Variants in CAMTA1 observed in about 807,000 individuals in gnomAD.
CAMTA1 encodes calmodulin-binding transcription activator 1.
CAMTA1 carries 27 observed loss-of-function variants against 170.9 expected under a neutral mutation model. The observed-to-expected ratio is 0.16, with a 90% CI of 0.12 to 0.22. The LOEUF is 0.22. CAMTA1 is among the 10% of genes least tolerant of loss of function. CAMTA1 has a pLI of 1.00. For synonymous variants in CAMTA1, 833 were observed against 891.5 expected (o/e 0.93, Z 1.17); for missense variants, 1,619 against 2,217.2 (o/e 0.73, Z 5.42).
At chr1:7,376,751 C>T (rs982486168) in intron 5 of CAMTA1, among the ~76,000 whole-genome samples, 36 of 152,286 alleles carry the variant, frequency 2.4e-4, no homozygotes, top group African/African-American at 8.2e-4. Flanking sequence ...CGACGTCTTC[C>T]CCTGTCTCAA....
At chr1:7,320,649 G>GTTTTTTTTTTT (rs55683398) in intron 5 of CAMTA1, among the ~76,000 whole-genome samples, 38 of 80,300 alleles carry the variant, frequency 4.7e-4, no homozygotes, top group East Asian at 1.4e-3. Flanking sequence ...TGCTGTGTGT[G>GTTTTTTTTTTT]TTTTTTTTTT....
At chr1:6,955,085 T>C (rs1689216691) in intron 3 of CAMTA1, among the ~76,000 whole-genome samples, 1 of 151,714 alleles carries the variant, frequency 6.6e-6, no homozygotes, top group African/African-American at 2.4e-5. Context: ...CCACTTTCAT[T>C]AGCCACCCTG....
chr1:6,878,654 T>C (rs983994164), intron 3 of CAMTA1, among the ~76,000 whole-genome samples: 4 of 152,170 alleles, frequency 2.6e-5, no homozygotes, highest in African/African-American at 9.7e-5. Flanking sequence ...CTTAGCACTT[T>C]TCCAGGAACC....
rs1455970219 is a variant in CAMTA1, at chr1:7,251,074, C to T, written c.438+1448C>T. Among the ~76,000 whole-genome samples the T allele has an allele frequency of 6.6e-6, 1 of 152,170 alleles. No individual in the cohort carries two copies. The highest frequency in any genetic ancestry group is 1.5e-5 in the Non-Finnish European group (1 of 68,034). ...GGCCCCCGAACAACGAGGCTGCTCG[C>T]ACCGGGAGTAATAGGGCTGCGGGAA... On this transcript the variant is annotated intron_variant, in intron 5 of 22. Transcript: ENST00000303635. This position sits in a 1 kb window ranked among gnomAD's most constrained non-coding sequence, Gnocchi z 5.1.
chr1:7,060,002 A>G (rs1707966127), intron 3 of CAMTA1, among the ~76,000 whole-genome samples: 1 of 152,172 alleles, frequency 6.6e-6, no homozygotes, highest in African/African-American at 2.4e-5. Flanking sequence ...CAGCCGCCAC[A>G]GCTGCCCCTA....
intron 4 of CAMTA1, among the ~76,000 whole-genome samples, chr1:7,192,835 A>C (rs1654801962): frequency 6.6e-6 from 1 of 152,180 alleles, no homozygotes; most frequent in African/African-American, 2.4e-5. Context: ...GCGTCACCGG[A>C]AGGAAAAGGA....
chr1:7,058,893 A>ACT (rs1442812950), intron 3 of CAMTA1, among the ~76,000 whole-genome samples: 2 of 103,444 alleles, frequency 1.9e-5, no homozygotes, highest in East Asian at 2.9e-4. Context: ...ATACACACAC[A>ACT]CACTCTCTCT....
intron 11 of CAMTA1, among the ~76,000 whole-genome samples, chr1:7,687,059 A>G (rs555500820): frequency 1.3e-5 from 2 of 152,058 alleles, no homozygotes; most frequent in East Asian, 2.0e-4. Context: ...CTGGAGGCCA[A>G]TGAGAGATCC....
intron 4 of CAMTA1, among the ~76,000 whole-genome samples, chr1:7,125,140 C>T (rs889651591): frequency 3.3e-5 from 5 of 152,056 alleles, no homozygotes; most frequent in Non-Finnish European, 7.4e-5. Context: ...GCATCTACAC[C>T]GTGTTAAGAT....
rs1354572853 is a variant in CAMTA1, at chr1:7,609,568, G to A, written c.511-30832G>A. Among the ~76,000 whole-genome samples, 2 of 152,206 alleles carry A rather than the reference G, an allele frequency of 1.3e-5. No individual in the cohort carries two copies. The highest frequency in any genetic ancestry group is 2.9e-5 in the Non-Finnish European group (2 of 68,034). On this transcript the variant is annotated intron_variant, in intron 6 of 22. Transcript: ENST00000303635. The surrounding 1 kb of genome is among the most constrained non-coding windows in gnomAD (Gnocchi z 4.4). ...GGCTCCAGTCCAGCCCTGCAGGAGT[G>A]AGCCAGCCTCAGCCAGGCCATGGCA...
Position 7,665,115 on chromosome 1 carries a change from G to A in CAMTA1, c.2568G>A (p.Ser856=), listed in dbSNP as rs374177752. ...TCGCCGAGGTGGTCTCGGCCGCCTC[G>A]GCCCAGGGCACCCTAGGCATGCTGC... ...MHVAEVVSAA[S]AQGTLGMLQQ... is the part of the protein sequence containing the mutation. Residue 856 remains serine (S), a synonymous_variant, in exon 9 of 23, where the codon TCG becomes TCA. Transcript: ENST00000303635. This position sits in a 1 kb window ranked among gnomAD's most constrained non-coding sequence, Gnocchi z 4.3. 1.7e-4 allele frequency: 258 copies of A among 1,526,120 alleles called. No individual in the cohort carries two copies. The highest frequency in any genetic ancestry group is 2.1e-4 in the Non-Finnish European group (240 of 1,140,114). The allele number at this position is 1,526,120 out of a possible 1,614,324, so 94.5% of individuals were successfully genotyped here. A position where few individuals can be genotyped will look rare whatever the true frequency, so the allele number is the denominator to read the frequency against.
intron 22 of CAMTA1, among the ~76,000 whole-genome samples, chr1:7,758,606 A>G (rs1358772832): frequency 6.6e-6 from 1 of 152,218 alleles, no homozygotes; most frequent in Non-Finnish European, 1.5e-5. Flanking sequence ...TTCTCTGAGG[A>G]AGATTTATAG....
At chr1:7,227,010 T>G (rs1024737506) in intron 4 of CAMTA1, among the ~76,000 whole-genome samples, 1 of 152,016 alleles carries the variant, frequency 6.6e-6, no homozygotes, top group African/African-American at 2.4e-5. Context: ...TTTTTTTGTA[T>G]TTTTAGTAGA....
intron 4 of CAMTA1, among the ~76,000 whole-genome samples, chr1:7,207,169 G>A (rs1451168912): frequency 2.0e-5 from 3 of 152,174 alleles, no homozygotes; most frequent in African/African-American, 7.2e-5. Context: ...CCACTGAGTA[G>A]CATCTTGTAC....
chr1:7,172,886 C>T (rs867698908), intron 4 of CAMTA1, among the ~76,000 whole-genome samples: 4 of 152,232 alleles, frequency 2.6e-5, no homozygotes. Context: ...GACTCTCCGT[C>T]TGCTATCCCC....
intron 5 of CAMTA1, among the ~76,000 whole-genome samples, chr1:7,461,416 G>A (rs1557754247): frequency 1.3e-5 from 2 of 152,364 alleles, no homozygotes; most frequent in South Asian, 4.1e-4. Context: ...GCTGTCCAAT[G>A]TGGTAGCCCT....
intron 6 of CAMTA1, among the ~76,000 whole-genome samples, chr1:7,536,868 GTC>G (rs2094555378): frequency 2.0e-5 from 3 of 152,116 alleles, no homozygotes; most frequent in African/African-American, 7.2e-5. Flanking sequence ...GCTGGCCAAG[GTC>G]TCACTGACCC....
At chr1:7,362,589 T>G (rs569616407) in intron 5 of CAMTA1, among the ~76,000 whole-genome samples, 1 of 151,970 alleles carries the variant, frequency 6.6e-6, no homozygotes, top group South Asian at 2.1e-4. Flanking sequence ...TGGCTTTGGA[T>G]AGAGTTGGTG....
At chr1:7,317,531 A>G (rs1168179660) in intron 5 of CAMTA1, among the ~76,000 whole-genome samples, 4 of 152,274 alleles carry the variant, frequency 2.6e-5, no homozygotes, top group Non-Finnish European at 4.4e-5. Context: ...GTTGTTATCT[A>G]AGCAAAATTC....
Sources: allele counts gnomAD v4.1 joint callset (sites outside exome capture counted in the v4.1 genomes callset), GRCh38; gene constraint gnomAD v4.1.1; non-coding constraint Gnocchi (gnomAD v3.1); transcripts MANE v1.5; gene names NCBI Gene and HGNC (gene_info 2026-07-23, HGNC 2026-07-21).